Variants in MPPED1 observed in about 807,000 individuals in gnomAD.
MPPED1 encodes metallophosphoesterase domain-containing protein 1.
A neutral mutation model predicts 36.2 loss-of-function variants in MPPED1; 16 were observed. That is an observed-to-expected ratio of 0.44 (90% CI 0.30 to 0.67). The LOEUF (loss-of-function observed/expected upper bound fraction) is 0.67, where lower values mean the gene tolerates loss of function less well. MPPED1 is among the 30% of genes least tolerant of loss of function. The pLI is 0.10. For synonymous variants in MPPED1, 199 were observed against 191.3 expected, an observed-to-expected ratio of 1.04 and a Z score of -0.33; for missense variants, 307 against 453.4, an observed-to-expected ratio of 0.68 and a Z score of 2.93.
At chr22:43,433,462 G>C (rs2146832138) in intron 2 of MPPED1, among the ~76,000 whole-genome samples, 1 of 152,062 alleles carries the variant, frequency 6.6e-6, no homozygotes, top group South Asian at 2.1e-4. Context: ...GAGTGAATGA[G>C]TGAATGGAGG....
chr22:43,423,788 A>G (rs1339130798), intron 1 of MPPED1, among the ~76,000 whole-genome samples: 1 of 152,228 alleles, frequency 6.6e-6, no homozygotes, highest in Non-Finnish European at 1.5e-5. Context: ...AATAGTTTAA[A>G]TGATGTTATT....
At chr22:43,463,823 C>A (rs1458460905) in intron 3 of MPPED1, among the ~76,000 whole-genome samples, 1 of 77,868 alleles carries the variant, frequency 1.3e-5, no homozygotes, top group Non-Finnish European at 2.8e-5. Flanking sequence ...TTCTTTCTTT[C>A]TTTCTTTCTT....
At chr22:43,493,497 C>A (rs990465295) in intron 4 of MPPED1, among the ~76,000 whole-genome samples, 9 of 152,304 alleles carry the variant, frequency 5.9e-5, no homozygotes, top group Middle Eastern at 3.4e-3. Flanking sequence ...CAGCCTCCAC[C>A]AACTCTCACA....
chr22:43,439,177 C>T (rs995083701), intron 3 of MPPED1, among the ~76,000 whole-genome samples: 21 of 152,220 alleles, frequency 1.4e-4, no homozygotes, highest in Non-Finnish European at 2.6e-4. Flanking sequence ...CTATGCATTG[C>T]CCGTTTGCCG....
At position 43,507,158 on chromosome 22, in the gene MPPED1, G is replaced by A. The variant is rs991699402; in HGVS notation, c.*1542G>A. The A allele has an allele frequency of 5.3e-5, 8 of 152,258 alleles. No individual in the cohort carries two copies. Among genetic ancestry groups the A allele is most frequent in the Non-Finnish European group, 1.2e-4 (8 of 68,044 alleles). 9.4% of individuals were successfully genotyped at this position (152,258 alleles called of 1,614,324 possible). ...GGCTCACAGCACAAAAGGAGCCGAG[G>A]CAGGATCTGACCCTTGTTCTCTGGC... On this transcript the variant is annotated 3_prime_UTR_variant, in exon 7 of 7. Coordinates refer to ENST00000443721, the MANE Select transcript of MPPED1 (RefSeq NM_001044370.2).
chr22:43,457,406 A>G (rs544106548), intron 3 of MPPED1, among the ~76,000 whole-genome samples: 6 of 152,264 alleles, frequency 3.9e-5, no homozygotes, highest in Admixed American at 1.3e-4. Context: ...CTTTGGATCT[A>G]AAGTGTGTCT....
At chr22:43,433,757 T>A (rs1007950650) in intron 2 of MPPED1, among the ~76,000 whole-genome samples, 8 of 44,362 alleles carry the variant, frequency 1.8e-4, no homozygotes, top group Non-Finnish European at 5.7e-4. Flanking sequence ...AAGTATATTG[T>A]CTGAAAAAAA....
intron 3 of MPPED1, among the ~76,000 whole-genome samples, chr22:43,449,793 A>G (rs1467955680): frequency 1.3e-5 from 2 of 152,178 alleles, no homozygotes; most frequent in Non-Finnish European, 2.9e-5. Context: ...TATCATTTGG[A>G]AAATGGGGAA....
chr22:43,491,731 T>TGGTGGTGATGGA (rs1932102951), intron 4 of MPPED1, among the ~76,000 whole-genome samples: 1 of 111,822 alleles, frequency 8.9e-6, no homozygotes, highest in Non-Finnish European at 1.8e-5. Context: ...AAGATGATGC[T>TGGTGGTGATGGA]GGTGGTGGTG....
At chr22:43,412,839 G>T (rs1928953297) in intron 1 of MPPED1, among the ~76,000 whole-genome samples, 1 of 152,246 alleles carries the variant, frequency 6.6e-6, no homozygotes, top group African/African-American at 2.4e-5. Flanking sequence ...TGTCTCCTGT[G>T]TGTTTGTTCT....
chr22:43,451,225 T>A (rs1386615408), intron 3 of MPPED1, among the ~76,000 whole-genome samples: 1 of 152,146 alleles, frequency 6.6e-6, no homozygotes, highest in Non-Finnish European at 1.5e-5. Flanking sequence ...CAGGATGGTC[T>A]CAATCTCTTG....
chr22:43,468,127 C>T (rs1446778729), intron 3 of MPPED1, among the ~76,000 whole-genome samples: 1 of 152,216 alleles, frequency 6.6e-6, no homozygotes, highest in African/African-American at 2.4e-5. Flanking sequence ...ACAGGGCCAT[C>T]CTCTAGTGCT....
At chr22:43,413,987 AC>A (rs1236619519) in intron 1 of MPPED1, among the ~76,000 whole-genome samples, 4 of 152,096 alleles carry the variant, frequency 2.6e-5, no homozygotes, top group Non-Finnish European at 2.9e-5. Context: ...CCGAGGAGGT[AC>A]CTCTGATGTA....
chr22:43,497,622 CTA>C (rs1932462011), intron 4 of MPPED1, among the ~76,000 whole-genome samples: 1 of 151,950 alleles, frequency 6.6e-6, no homozygotes, highest in Non-Finnish European at 1.5e-5. Context: ...GGGGAGCAGG[CTA>C]CCAGGCTGGG....
At chr22:43,450,305 T>C (rs5996338) in intron 3 of MPPED1, among the ~76,000 whole-genome samples, 6,497 of 152,302 alleles carry the variant, frequency 0.043, 481 homozygotes, top group African/African-American at 0.15. Context: ...GCCACATGCC[T>C]GCTGGGCAGC....
rs1432716564 is a variant in MPPED1, at chr22:43,424,415, T to C, written c.-78-493T>C. On this transcript the variant is annotated intron_variant, in intron 1 of 6. Transcript: ENST00000443721. The stretch of plus-strand genomic sequence containing the variant: ...CGTGCTGTCTCCACCTGCTCAGGCT[T>C]GCAGGGGTGTGGGCGTGGGGCCATG... Among the ~76,000 whole-genome samples, 3 of 152,104 alleles carry C rather than the reference T, an allele frequency of 2.0e-5. No homozygotes were observed. The East Asian group carries it at 5.8e-4, about 29-fold the overall frequency.
chr22:43,459,269 C>T (rs362078), intron 3 of MPPED1, among the ~76,000 whole-genome samples: 133,425 of 152,174 alleles, frequency 0.88, 58,686 homozygotes, highest in Admixed American at 0.91. Context: ...TCAGTAGAGA[C>T]GGGGTTTTGC....
chr22:43,460,032 C>A (rs1044276073), intron 3 of MPPED1, among the ~76,000 whole-genome samples: 4 of 151,790 alleles, frequency 2.6e-5, no homozygotes, highest in African/African-American at 7.3e-5. Context: ...CATGGTGAAA[C>A]CCCGTCTCTA....
At chr22:43,431,160 G>A (rs1438510945) in intron 2 of MPPED1, among the ~76,000 whole-genome samples, 3 of 145,750 alleles carry the variant, frequency 2.1e-5, no homozygotes, top group African/African-American at 7.5e-5. Context: ...TCCTGTCTCA[G>A]CCTCCATAGT....
Sources: gnomAD v4.1 joint callset for allele counts (sites outside exome capture counted in the v4.1 genomes callset) on GRCh38, gnomAD v4.1.1 for gene constraint, MANE v1.5 for transcripts, NCBI Gene and HGNC (gene_info 2026-07-23, HGNC 2026-07-21) for gene names.